Variants in KIF13A observed in about 807,000 individuals in gnomAD.
KIF13A encodes the protein kinesin-like protein KIF13A.
A neutral mutation model predicts 212.2 loss-of-function variants in KIF13A; 79 were observed. That is an observed-to-expected ratio of 0.37 (90% confidence interval 0.31 to 0.45). KIF13A has a LOEUF of 0.45. KIF13A is among the 20% of genes least tolerant of loss of function. KIF13A has a pLI of 1.00. For missense variants in KIF13A, 1,901 were observed against 2,209.0 expected (o/e 0.86, Z 2.79); for synonymous variants, 789 against 808.6 (o/e 0.98, Z 0.41).
intron 18 of KIF13A, among the ~76,000 whole-genome samples, chr6:17,807,574 A>T (rs1396984187): frequency 6.9e-6 from 1 of 145,224 alleles, no homozygotes; most frequent in African/African-American, 2.4e-5. Context: ...CACTGAACAT[A>T]GACCCTTATC....
In KIF13A at chr6:17,850,777, A is replaced by G. The variant is rs145764689; in HGVS notation, c.583-320T>C. Among the ~76,000 whole-genome samples, 191 of 152,190 alleles carry G rather than the reference A, an allele frequency of 1.3e-3. No homozygotes were observed. The highest frequency in any genetic ancestry group is 3.4e-3 in the Middle Eastern group (1 of 294). The stretch of plus-strand genomic sequence containing the variant: ...GATAATCAATAATAGCAGTGACTTG[A>G]TTTAACTCTTACTCTCCTGTGCTTA... On this transcript the variant is annotated intron_variant, in intron 7 of 38. Transcript: ENST00000259711. The surrounding 1 kb of genome is among the most constrained non-coding windows in gnomAD (Gnocchi z 6.2).
Position 17,849,242 on chromosome 6 carries a change from T to C in KIF13A, c.830+135A>G. The C allele has an allele frequency of 1.6e-6, 1 of 613,200 alleles. No homozygotes were observed. The highest frequency in any genetic ancestry group is 2.8e-6 in the Non-Finnish European group (1 of 353,928). The allele number at this position is 613,200 out of a possible 1,614,324, so 38.0% of individuals were successfully genotyped here. ...TCTTAACAGACACAGGTTGTTGTTG[T>C]TTTTCTTCAGCCCAGTTTACTAAAG... On this transcript the variant is annotated intron_variant, in intron 9 of 38. Transcript: ENST00000259711. This position sits in a 1 kb window ranked among gnomAD's most constrained non-coding sequence, Gnocchi z 5.7.
chr6:17,764,838 A>G lies in KIF13A; in HGVS notation c.4690T>C (p.Leu1564=). ...GAGGAAAACCATTCCCTGTTCTCCA[A>G]GCTGGCATTGTAAACACTGAAGTCA... ...FADFSVYNAS[L]ENREWFSSKV... The change falls in exon 39 of 39, where the codon TTG becomes CTG. Residue 1564 remains leucine, a synonymous_variant. Transcript: ENST00000259711. This position sits in a 1 kb window ranked among gnomAD's most constrained non-coding sequence, Gnocchi z 5.1. 6.2e-7 allele frequency: 1 copy of G among 1,613,880 alleles called. No individual in the cohort carries two copies. The highest frequency in any genetic ancestry group is 8.5e-7 in the Non-Finnish European group (1 of 1,179,834).
Position 17,947,637 on chromosome 6 carries a change from G to C in KIF13A, c.146+39417C>G, listed in dbSNP as rs941238128. On this transcript the variant is annotated intron_variant, in intron 2 of 38. Coordinates refer to ENST00000259711, the MANE Select transcript of KIF13A (RefSeq NM_022113.6). The surrounding 1 kb of genome is among the most constrained non-coding windows in gnomAD (Gnocchi z 4.6). ...TGAGGTCAGGAGTTTGAGACCAGCC[G>C]ACCAGCCTGGGCAACACGGTGAAAC... is the stretch of plus-strand genomic sequence containing the variant. Among the ~76,000 whole-genome samples, 1 of 151,968 alleles carries C rather than the reference G, an allele frequency of 6.6e-6. No homozygotes were observed. The highest frequency in any genetic ancestry group is 2.4e-5 in the African/African-American group (1 of 41,380).
At chr6:17,854,951 T>C (rs533022181) in intron 6 of KIF13A, among the ~76,000 whole-genome samples, 3 of 152,312 alleles carry the variant, frequency 2.0e-5, no homozygotes, top group African/African-American at 7.2e-5. Context: ...TATAGATCCC[T>C]GGGTTTCACC....
Position 17,850,443 on chromosome 6 carries a change from C to T in KIF13A, c.597G>A (p.Leu199=). 1 of 1,613,014 alleles carries T rather than the reference C, an allele frequency of 6.2e-7. No individual in the cohort carries two copies. The highest frequency in any genetic ancestry group is 8.5e-7 in the Non-Finnish European group (1 of 1,179,452). Reference sequence around the variant, plus strand: ...TTCGAGACTTATTTCCCTCAGACATCAATGACTCAATATCCTAGGGGCAAA... The same window carrying T: ...TTCGAGACTTATTTCCCTCAGACATTAATGACTCAATATCCTAGGGGCAAA... The part of the protein sequence containing the change: ...AVTSFEDIES[L]MSEGNKSRTV... Residue 199 remains leucine (L), a synonymous_variant, in exon 8 of 39, where the codon TTG becomes TTA. Coordinates refer to ENST00000259711, the MANE Select transcript of KIF13A (RefSeq NM_022113.6). This position sits in a 1 kb window ranked among gnomAD's most constrained non-coding sequence, Gnocchi z 6.2.
At position 17,773,465 on chromosome 6, in the gene KIF13A, A is replaced by G; in HGVS notation, c.4324+13T>C. 6.8e-7 allele frequency: 1 copy of G among 1,464,648 alleles called. No homozygotes were observed. Among genetic ancestry groups the G allele is most frequent in the Non-Finnish European group, 9.5e-7 (1 of 1,047,984 alleles). 90.7% of individuals were successfully genotyped at this position (1,464,648 alleles called of 1,614,324 possible). On this transcript the variant is annotated intron_variant, in intron 36 of 38. Transcript: ENST00000259711. This position sits in a 1 kb window ranked among gnomAD's most constrained non-coding sequence, Gnocchi z 4.2. Reference sequence around the variant, plus strand: ...TACAAAGAAATATCACTGCAAAATAATCTCACCACTACCTTCTTTATTCCT... The same window carrying G: ...TACAAAGAAATATCACTGCAAAATAGTCTCACCACTACCTTCTTTATTCCT...
In KIF13A at chr6:17,982,436, C is replaced by T; in HGVS notation, c.146+4618G>A. 1 of 984,796 alleles carries T rather than the reference C, an allele frequency of 1.0e-6. No individual in the cohort carries two copies. The highest frequency in any genetic ancestry group is 1.2e-6 in the Non-Finnish European group (1 of 829,456). 61.0% of individuals were successfully genotyped at this position (984,796 alleles called of 1,614,324 possible). A position where few individuals can be genotyped will look rare whatever the true frequency, so the allele number is the denominator to read the frequency against. On this transcript the variant is annotated intron_variant, in intron 2 of 38. Transcript: ENST00000259711. This position sits in a 1 kb window ranked among gnomAD's most constrained non-coding sequence, Gnocchi z 5.1. ...GCATTTTAGATTTCAGATGTTCAGA[C>T]AGGGATACCGCTGGTGAATAAACTA... is the stretch of plus-strand genomic sequence containing the variant.
intron 2 of KIF13A, among the ~76,000 whole-genome samples, chr6:17,969,904 G>A (rs1256884832): frequency 2.0e-5 from 3 of 151,492 alleles, no homozygotes; most frequent in African/African-American, 4.8e-5. Flanking sequence ...AAACCTAAAT[G>A]CCTGTGTATT....
chr6:17,858,140 TGA>T lies in KIF13A; in HGVS notation c.221-2020_221-2019del, dbSNP rs889691928. Among the ~76,000 whole-genome samples, 23 of 143,004 alleles carry T rather than the reference TGA, an allele frequency of 1.6e-4. No homozygotes were observed. The East Asian group carries it at 1.6e-3, about 10-fold the overall frequency. 93.8% of individuals were successfully genotyped at this position (143,004 alleles called of 152,430 possible). A position where few individuals can be genotyped will look rare whatever the true frequency, so the allele number is the denominator to read the frequency against. On this transcript the variant is annotated intron_variant, in intron 4 of 38. Transcript: ENST00000259711. ...ATGCACGCATGTGTGTGTGTGTGTG[TGA>T]GAGAGAGAGATCTACAAATGCTAAA...
rs1313895517 is a variant in KIF13A at position 17,855,804 on chromosome 6, C to G, written c.314-187G>C. On this transcript the variant is annotated intron_variant, in intron 5 of 38. Transcript: ENST00000259711. This position sits in a 1 kb window ranked among gnomAD's most constrained non-coding sequence, Gnocchi z 4.1. ...TCATGGCTCACTACAGTCTCAAACT[C>G]CTGGGCTCAAGCCATCCTCCCACCT... Among the ~76,000 whole-genome samples, 1 of 152,198 alleles carries G rather than the reference C, an allele frequency of 6.6e-6. No homozygotes were observed. Among genetic ancestry groups the G allele is most frequent in the Non-Finnish European group, 1.5e-5 (1 of 68,030 alleles).
rs540967520 is a variant in KIF13A, at chr6:17,779,803, G to A, written c.3847-119C>T. On this transcript the variant is annotated intron_variant, in intron 31 of 38. Transcript: ENST00000259711. The stretch of plus-strand genomic sequence containing the variant: ...CGCCCAGGCTGGAGGGCAGTGGCGC[G>A]ATCTCGGCTCACTGCAGGCTCCGCC... 4.2e-4 allele frequency: 196 copies of A among 466,044 alleles called. 4 individuals carry two copies. The highest frequency in any genetic ancestry group is 3.7e-3 in the South Asian group (193 of 51,856). 28.9% of individuals were successfully genotyped at this position (466,044 alleles called of 1,614,324 possible).
chr6:17,855,889 T>G lies in KIF13A; in HGVS notation c.313+141A>C. The stretch of plus-strand genomic sequence containing the variant: ...ACCACGCTGGGCTAATGTTTTTAGT[T>G]TTTATAAAGACGGGTCTTACTATGT... On this transcript the variant is annotated intron_variant, in intron 5 of 38. Coordinates refer to ENST00000259711, the MANE Select transcript of KIF13A (RefSeq NM_022113.6). The surrounding 1 kb of genome is among the most constrained non-coding windows in gnomAD (Gnocchi z 4.1). 1 of 660,138 alleles carries G rather than the reference T, an allele frequency of 1.5e-6. No homozygotes were observed. Among genetic ancestry groups the G allele is most frequent in the Non-Finnish European group, 2.6e-6 (1 of 377,916 alleles). 40.9% of individuals were successfully genotyped at this position (660,138 alleles called of 1,614,324 possible).
chr6:17,971,150 C>A lies in KIF13A; in HGVS notation c.146+15904G>T, dbSNP rs954506910. Among the ~76,000 whole-genome samples, 27 of 152,098 alleles carry A rather than the reference C, an allele frequency of 1.8e-4. No individual in the cohort carries two copies. Among genetic ancestry groups the A allele is most frequent in the African/African-American group, 6.3e-4 (26 of 41,424 alleles). On this transcript the variant is annotated intron_variant, in intron 2 of 38. Coordinates refer to ENST00000259711, the MANE Select transcript of KIF13A (RefSeq NM_022113.6). This position sits in a 1 kb window ranked among gnomAD's most constrained non-coding sequence, Gnocchi z 4.2. ...TTTAATGATTCTTAGTATGATCTGG[C>A]CTGAAGGACCCAAGATCCTCAGAAC...
chr6:17,954,303 CAAA>C (rs71002291), intron 2 of KIF13A, among the ~76,000 whole-genome samples: 57 of 107,186 alleles, frequency 5.3e-4, no homozygotes, highest in Non-Finnish European at 6.9e-4. Flanking sequence ...GACTCCATCT[CAAA>C]AAAAAAAAAA....
intron 16 of KIF13A, among the ~76,000 whole-genome samples, chr6:17,819,658 T>C (rs6932826): frequency 0.46 from 69,441 of 151,916 alleles, 16,269 homozygotes; most frequent in South Asian, 0.53. Context: ...GTGGGTAAAA[T>C]ATTATCTATA....
In KIF13A at chr6:17,826,740, G is replaced by C. The variant is rs746463849; in HGVS notation, c.1533-616C>G. Among the ~76,000 whole-genome samples, 4 of 151,996 alleles carry C rather than the reference G, an allele frequency of 2.6e-5. No individual in the cohort carries two copies. The highest frequency in any genetic ancestry group is 4.4e-5 in the Non-Finnish European group (3 of 68,004). On this transcript the variant is annotated intron_variant, in intron 14 of 38. Transcript: ENST00000259711. The surrounding 1 kb of genome is among the most constrained non-coding windows in gnomAD (Gnocchi z 4.7). ...AAAAAGAAAACTGATGAGACAACTG[G>C]GGAAATCTGAACACTGACTGGCTAT...
chr6:17,950,872 T>C (rs1777787411), intron 2 of KIF13A: 1 of 983,406 alleles, frequency 1.0e-6, no homozygotes, highest in Non-Finnish European at 1.2e-6. Flanking sequence ...ACATAAATGA[T>C]TAAATGTGTG....
chr6:17,806,995 A>C (rs1763021454), intron 18 of KIF13A, among the ~76,000 whole-genome samples: 1 of 152,168 alleles, frequency 6.6e-6, no homozygotes, highest in Admixed American at 6.6e-5. Context: ...CCCAAATAAT[A>C]CTTTTATAAT....
Sources: allele counts gnomAD v4.1 joint callset (sites outside exome capture counted in the v4.1 genomes callset), GRCh38; gene constraint gnomAD v4.1.1; non-coding constraint Gnocchi (gnomAD v3.1); transcripts MANE v1.5; gene names NCBI Gene and HGNC (gene_info 2026-07-23, HGNC 2026-07-21).